DAG1: variants seen among roughly 807,000 people sequenced by gnomAD.
The protein encoded by DAG1 is dystroglycan 1.
DAG1 carries 8 observed loss-of-function variants against 46.1 expected under a neutral mutation model. The observed-to-expected ratio is 0.17, with a 90% CI of 0.10 to 0.31. The LOEUF (loss-of-function observed/expected upper bound fraction) is 0.31, where lower values mean the gene tolerates loss of function less well. DAG1 is among the 10% of genes least tolerant of loss of function. The pLI is 1.00. For missense variants in DAG1, 1,003 were observed against 1,189.9 expected (o/e 0.84, Z 2.31); for synonymous variants, 495 against 481.8 (o/e 1.03, Z -0.36).
At chr3:49,474,110 A>C (rs2049608110) in intron 1 of DAG1, among the ~76,000 whole-genome samples, 1 of 152,006 alleles carries the variant, frequency 6.6e-6, no homozygotes, top group Non-Finnish European at 1.5e-5. Flanking sequence ...GCTGGAGTGC[A>C]GTGGTATGAT....
At chr3:49,478,802 CTTTTTTTTTTT>C (rs201202889) in intron 1 of DAG1, among the ~76,000 whole-genome samples, 40 of 76,014 alleles carry the variant, frequency 5.3e-4, no homozygotes, top group Admixed American at 1.5e-3. Flanking sequence ...CGTCCCCTCC[CTTTTTTTTTTT>C]TTTTTTTTTT....
rs146249357 is a variant in DAG1, at chr3:49,478,229, G to A, written c.-117+7796G>A. Among the ~76,000 whole-genome samples the A allele has an allele frequency of 9.2e-3, 1,346 of 146,214 alleles. 27 individuals are homozygous for A. Among genetic ancestry groups the A allele is most frequent in the African/African-American group, 0.03 (1,206 of 39,836 alleles). On this transcript the variant is annotated intron_variant, in intron 1 of 2. Transcript: ENST00000308775. ...GCAGAGGTTGCAGTGAGCCGAGATC[G>A]TGCTGTTGCACTCCATCCTGGGCGA... is the stretch of plus-strand genomic sequence containing the variant.
At chr3:49,528,894 A>G (rs2051265756) in intron 2 of DAG1, among the ~76,000 whole-genome samples, 1 of 148,140 alleles carries the variant, frequency 6.8e-6, no homozygotes, top group South Asian at 2.1e-4. Flanking sequence ...TCTGTCACCC[A>G]GGCTGGGTTG....
chr3:49,469,264 G>A (rs936800603), upstream of DAG1, among the ~76,000 whole-genome samples: 5 of 152,198 alleles, frequency 3.3e-5, no homozygotes, highest in African/African-American at 1.2e-4. Context: ...ACAGGCCAAG[G>A]AGGGAATGGA....
chr3:49,469,613 G>C (rs1001602529), upstream of DAG1, among the ~76,000 whole-genome samples: 1 of 152,168 alleles, frequency 6.6e-6, no homozygotes, highest in Non-Finnish European at 1.5e-5. Flanking sequence ...TTAGGCCTGA[G>C]GCGCTTTCCG....
At chr3:49,513,765 T>G (rs1181722477) in intron 2 of DAG1, among the ~76,000 whole-genome samples, 2 of 152,214 alleles carry the variant, frequency 1.3e-5, no homozygotes, top group Non-Finnish European at 2.9e-5. Context: ...TTGCATAAAG[T>G]TTCCTTGTCA....
chr3:49,509,713 A>G (rs779287810), intron 1 of DAG1, among the ~76,000 whole-genome samples: 44 of 151,954 alleles, frequency 2.9e-4, no homozygotes, highest in Middle Eastern at 6.8e-3. Flanking sequence ...AATTTCAATC[A>G]TATATTTTAC....
chr3:49,501,683 G>A (rs2050456775), intron 1 of DAG1, among the ~76,000 whole-genome samples: 1 of 152,038 alleles, frequency 6.6e-6, no homozygotes, highest in South Asian at 2.1e-4. Flanking sequence ...CGTGGTGGCA[G>A]GTGCTTGTAG....
At position 49,532,850 on chromosome 3, in the gene DAG1, A is replaced by T; in HGVS notation, c.2339A>T (p.Lys780Met). Residue 780 changes from lysine to methionine, a missense_variant, in exon 3 of 3, where the codon AAG becomes ATG. Lys to Met is a moderately conservative substitution (Grantham distance 95). This residue lies in a region of DAG1 where 755 missense variants were observed against 854.1 expected (regional missense o/e 0.88). Coordinates refer to ENST00000308775, the MANE Select transcript of DAG1 (RefSeq NM_004393.6). The surrounding 1 kb of genome is among the most constrained non-coding windows in gnomAD (Gnocchi z 5.4). The stretch of plus-strand genomic sequence containing the variant: ...ATGATCTGCTACCGCAAGAAGCGGA[A>T]GGGCAAGCTTACCCTTGAGGACCAG... ...IAMICYRKKRKGKLTLEDQAT... is the reference protein window; with the variant it reads ...IAMICYRKKRMGKLTLEDQAT... The T allele has an allele frequency of 6.2e-7, 1 of 1,614,126 alleles. No homozygotes were observed. The highest frequency in any genetic ancestry group is 8.5e-7 in the Non-Finnish European group (1 of 1,180,026).
At chr3:49,490,119 C>T (rs558852025) in intron 1 of DAG1, among the ~76,000 whole-genome samples, 3 of 152,114 alleles carry the variant, frequency 2.0e-5, no homozygotes, top group South Asian at 2.1e-4. Flanking sequence ...TTTGGGAGGC[C>T]GAGGCAGACG....
chr3:49,486,035 G>A (rs2107194666), intron 1 of DAG1, among the ~76,000 whole-genome samples: 1 of 152,074 alleles, frequency 6.6e-6, no homozygotes, highest in East Asian at 1.9e-4. Flanking sequence ...CCAGAGTCAG[G>A]GAGGCATGGG....
At chr3:49,492,613 C>T (rs1559554592) in intron 1 of DAG1, 1 of 152,166 alleles carries the variant, frequency 6.6e-6, no homozygotes, top group Non-Finnish European at 1.5e-5. Context: ...TGTCATTGCA[C>T]TCCAGCCCAG....
chr3:49,493,841 C>T (rs1203522659), intron 1 of DAG1, among the ~76,000 whole-genome samples: 1 of 152,184 alleles, frequency 6.6e-6, no homozygotes, highest in African/African-American at 2.4e-5. Context: ...CATCCCTGTC[C>T]ATAGTGTTGG....
At chr3:49,488,728 G>C (rs1458186142) in intron 1 of DAG1, 2 of 151,846 alleles carry the variant, frequency 1.3e-5, no homozygotes, top group Non-Finnish European at 2.9e-5. Context: ...TCAGCTTCCT[G>C]AGTAGCTGGG....
At position 49,532,247 on chromosome 3, in the gene DAG1, C is replaced by T. The variant is rs367972956; in HGVS notation, c.1736C>T (p.Ala579Val). The change falls in exon 3 of 3, where the codon GCC becomes GTC. Residue 579 changes from alanine to valine, a missense_variant. By Grantham distance (64) the Ala-to-Val change is moderately conservative. Around this residue, in one of 3 missense-constraint regions of DAG1, gnomAD observed 755 missense variants for 854.1 expected, o/e 0.88. Coordinates refer to ENST00000308775, the MANE Select transcript of DAG1 (RefSeq NM_004393.6). This position sits in a 1 kb window ranked among gnomAD's most constrained non-coding sequence, Gnocchi z 5.4. ...HVGKHEYFMH[A>V]TDKGGLSAVD... ...GGCAAACACGAGTATTTCATGCATG[C>T]CACAGACAAGGGGGGCCTGTCGGCT... The T allele has an allele frequency of 1.9e-6, 3 of 1,613,864 alleles. No individual in the cohort carries two copies. The African/African-American group carries it at 4.0e-5, about 22-fold the overall frequency.
At chr3:49,475,486 C>T (rs1262342714) in intron 1 of DAG1, among the ~76,000 whole-genome samples, 6 of 147,036 alleles carry the variant, frequency 4.1e-5, no homozygotes, top group Non-Finnish European at 9.0e-5. Flanking sequence ...GCTCCTGCAA[C>T]CTCCACCTCC....
chr3:49,531,245 C>T lies in DAG1; in HGVS notation c.734C>T (p.Pro245Leu), dbSNP rs780960166. 1.2e-6 allele frequency: 2 copies of T among 1,614,082 alleles called. No individual in the cohort carries two copies. The highest frequency in any genetic ancestry group is 1.6e-4 in the Middle Eastern group (1 of 6,062). The change falls in exon 3 of 3, where the codon CCG (proline) becomes CTG (leucine). Residue 245 changes from proline (P) to leucine (L), a missense_variant. By Grantham distance (98) the Pro-to-Leu change is moderately conservative. Transcript: ENST00000308775. This position sits in a 1 kb window ranked among gnomAD's most constrained non-coding sequence, Gnocchi z 7.0. ...LFDMSAFMAG[P>L]GNAKKVVENG... ...GACATGTCGGCCTTCATGGCTGGCC[C>T]GGGAAATGCAAAAAAGGTGGTGGAG... is the stretch of plus-strand genomic sequence containing the variant.
chr3:49,479,891 C>T (rs1200997860), intron 1 of DAG1, among the ~76,000 whole-genome samples: 155 of 132,610 alleles, frequency 1.2e-3, no homozygotes, highest in Middle Eastern at 0.012. Flanking sequence ...CCACCTGCCT[C>T]GGCCCCCCAG....
Position 49,532,917 on chromosome 3 carries a change from C to A in DAG1, c.2406C>A (p.Asp802Glu). The change falls in exon 3 of 3, where the codon GAC becomes GAA. Residue 802 changes from aspartate to glutamate, a missense_variant. Asp to Glu is a conservative substitution (Grantham distance 45). This residue lies in a region of DAG1 where 755 missense variants were observed against 854.1 expected (regional missense o/e 0.88). Transcript: ENST00000308775. The surrounding 1 kb of genome is among the most constrained non-coding windows in gnomAD (Gnocchi z 5.4). ...IKKGVPIIFADELDDSKPPPS... is the reference protein window; with the variant it reads ...IKKGVPIIFAEELDDSKPPPS... ...AGGGGGTGCCTATCATCTTTGCAGA[C>A]GAACTGGACGACTCCAAGCCCCCAC... is the stretch of plus-strand genomic sequence containing the variant. 6.2e-7 allele frequency: 1 copy of A among 1,614,122 alleles called. No homozygotes were observed. Among genetic ancestry groups the A allele is most frequent in the Non-Finnish European group, 8.5e-7 (1 of 1,180,020 alleles).
Sources: allele counts gnomAD v4.1 joint callset (sites outside exome capture counted in the v4.1 genomes callset), GRCh38; gene constraint gnomAD v4.1.1; regional missense constraint gnomAD v4.1.1; non-coding constraint Gnocchi (gnomAD v3.1); transcripts MANE v1.5; gene names NCBI Gene and HGNC (gene_info 2026-07-23, HGNC 2026-07-21).